CDK13: variants seen among roughly 807,000 people sequenced by gnomAD.
CDK13 encodes cyclin-dependent kinase 13.
CDK13 carries 40 observed loss-of-function variants against 137.6 expected under a neutral mutation model. The ratio of observed to expected loss-of-function variants is 0.29; its 90% confidence interval spans 0.23 to 0.38. The LOEUF is 0.38. Among genes scored for constraint, CDK13 ranks in the 10% least tolerant of loss-of-function variants. CDK13 has a pLI of 1.00. For missense variants in CDK13, 1,704 were observed against 1,951.8 expected (o/e 0.87, Z 2.39); for synonymous variants, 869 against 760.1 (o/e 1.14, Z -2.36).
At chr7:40,065,882 A>C (rs556367621) in intron 9 of CDK13, among the ~76,000 whole-genome samples, 1 of 152,304 alleles carries the variant, frequency 6.6e-6, no homozygotes, top group African/African-American at 2.4e-5. Context: ...ACTTCATATG[A>C]AAAGAGAGTA....
intron 7 of CDK13, chr7:40,061,854 T>C (rs762097347): frequency 6.6e-6 from 1 of 152,244 alleles, no homozygotes; most frequent in Non-Finnish European, 1.5e-5. Context: ...GACCCTAATA[T>C]AACTTGACTA....
chr7:40,086,809 CTTTTTT>C (rs35337864), intron 11 of CDK13, among the ~76,000 whole-genome samples: 3 of 122,490 alleles, frequency 2.4e-5, no homozygotes, highest in Non-Finnish European at 3.4e-5. Context: ...TAGCCTTACT[CTTTTTT>C]TTTTTTTTTT....
chr7:39,975,172 G>A (rs1381192142), intron 1 of CDK13, among the ~76,000 whole-genome samples: 1 of 152,098 alleles, frequency 6.6e-6, no homozygotes, highest in Non-Finnish European at 1.5e-5. Context: ...CCAGCACTTT[G>A]GGAGGCCGAG....
At chr7:40,092,592 A>C in intron 12 of CDK13, 193 bp from the exon 13 acceptor site, 2 of 546,228 alleles carry the variant, frequency 3.7e-6, no homozygotes, top group East Asian at 3.0e-5. Flanking sequence ...AATTGACTGC[A>C]GTTCTTTTTA....
At chr7:40,027,824 G>A (rs2150502062) in intron 5 of CDK13, among the ~76,000 whole-genome samples, 1 of 152,148 alleles carries the variant, frequency 6.6e-6, no homozygotes, top group South Asian at 2.1e-4. Flanking sequence ...TATACAGAGT[G>A]AGGTCCTCTT....
In CDK13 at chr7:39,950,449, C is replaced by T. The variant is rs1447903460; in HGVS notation, c.-193C>T. On this transcript the variant is annotated 5_prime_UTR_variant, in exon 1 of 14. Transcript: ENST00000181839. Reference sequence around the variant, plus strand: ...TTCCTGCTTCCCTGGGGCCCGGAGGCTGCTGCGTACCCCACTGTGACCTGG... The same window carrying T: ...TTCCTGCTTCCCTGGGGCCCGGAGGTTGCTGCGTACCCCACTGTGACCTGG... The T allele has an allele frequency of 3.2e-6, 4 of 1,238,248 alleles. No homozygotes were observed. The highest frequency in any genetic ancestry group is 4.0e-6 in the Non-Finnish European group (4 of 991,612). 76.7% of individuals were successfully genotyped at this position (1,238,248 alleles called of 1,614,324 possible).
chr7:40,051,263 CT>C (rs11284687), intron 7 of CDK13, among the ~76,000 whole-genome samples: 16,927 of 143,930 alleles, frequency 0.12, 1,248 homozygotes, highest in East Asian at 0.34. Context: ...TAAAACTTCT[CT>C]TTTTTTTTTT....
intron 7 of CDK13, among the ~76,000 whole-genome samples, chr7:40,055,820 A>G (rs1269611714): frequency 1.3e-5 from 2 of 152,086 alleles, no homozygotes; most frequent in African/African-American, 4.8e-5. Context: ...GGGCTCAAGC[A>G]ATCCTTAGGC....
chr7:40,047,580 TATA>T (rs991004076), intron 6 of CDK13, among the ~76,000 whole-genome samples: 158 of 152,066 alleles, frequency 1.0e-3, no homozygotes, highest in African/African-American at 3.5e-3. Flanking sequence ...ATACAGTAAT[TATA>T]ATAATCATAT....
intron 2 of CDK13, among the ~76,000 whole-genome samples, chr7:39,992,103 A>ACACACG (rs1446389748): frequency 1.0e-5 from 1 of 97,154 alleles, no homozygotes; most frequent in Non-Finnish European, 1.7e-5. Context: ...ACACACACAC[A>ACACACG]CGCACACACA....
intron 2 of CDK13, among the ~76,000 whole-genome samples, chr7:39,988,652 C>A (rs1269034879): frequency 6.6e-6 from 1 of 152,142 alleles, no homozygotes; most frequent in Non-Finnish European, 1.5e-5. Context: ...TAAGTTTCTT[C>A]AGTGGCCTTG....
intron 9 of CDK13, among the ~76,000 whole-genome samples, chr7:40,069,068 T>C (rs1329447537): frequency 1.3e-5 from 2 of 152,050 alleles, no homozygotes; most frequent in Admixed American, 1.3e-4. Flanking sequence ...ACCCCGTCTC[T>C]ACAAAAAATA....
At chr7:40,072,388 A>G (rs1486256529) in intron 9 of CDK13, 1 of 152,240 alleles carries the variant, frequency 6.6e-6, no homozygotes, top group East Asian at 1.9e-4. Context: ...TGGCCTCCCA[A>G]GTGCTGGAGT....
At chr7:39,983,232 A>G (rs189575384) in intron 1 of CDK13, among the ~76,000 whole-genome samples, 4 of 152,248 alleles carry the variant, frequency 2.6e-5, no homozygotes, top group Non-Finnish European at 4.4e-5. Flanking sequence ...TCAGCTTTCT[A>G]CATATGGCTA....
chr7:40,039,286 T>A (rs1049826428), intron 5 of CDK13, among the ~76,000 whole-genome samples: 3 of 150,972 alleles, frequency 2.0e-5, no homozygotes, highest in South Asian at 2.1e-4. Context: ...AGAGAGAGAG[T>A]GTCTTGCTTT....
intron 11 of CDK13, among the ~76,000 whole-genome samples, chr7:40,085,416 G>A (rs777910506): frequency 1.3e-5 from 2 of 151,998 alleles, no homozygotes; most frequent in Non-Finnish European, 2.9e-5. Context: ...TAAATTGTGG[G>A]AGGGAACAAA....
chr7:39,956,590 A>G (rs978317158), intron 1 of CDK13, among the ~76,000 whole-genome samples: 3 of 151,906 alleles, frequency 2.0e-5, no homozygotes, highest in Non-Finnish European at 2.9e-5. Flanking sequence ...ATAAACCTAA[A>G]CTTTTTTTTT....
chr7:40,053,075 G>T (rs1303875103), intron 7 of CDK13, among the ~76,000 whole-genome samples: 1 of 152,130 alleles, frequency 6.6e-6, no homozygotes, highest in East Asian at 1.9e-4. Flanking sequence ...AGATTAAATT[G>T]TTCTCCCTTC....
intron 5 of CDK13, among the ~76,000 whole-genome samples, chr7:40,045,217 G>A (rs766616547): frequency 1.3e-5 from 2 of 152,132 alleles, no homozygotes; most frequent in Admixed American, 1.3e-4. Context: ...TCTCTCGTAA[G>A]TACGTTTGTA....
Sources: gnomAD v4.1 joint callset for allele counts (sites outside exome capture counted in the v4.1 genomes callset) on GRCh38, gnomAD v4.1.1 for gene constraint, MANE v1.5 for transcripts, NCBI Gene and HGNC (gene_info 2026-07-23, HGNC 2026-07-21) for gene names.